Variants in NRXN3 observed in about 807,000 individuals in gnomAD.
NRXN3 encodes neurexin 3.
A neutral mutation model predicts 137.6 loss-of-function variants in NRXN3; 32 were observed. The ratio of observed to expected loss-of-function variants is 0.23; its 90% CI spans 0.18 to 0.31. NRXN3 has a LOEUF of 0.31. NRXN3 is among the 10% of genes least tolerant of loss of function. NRXN3 has a pLI of 1.00. For synonymous variants in NRXN3, 798 were observed against 784.5 expected (o/e 1.02, Z -0.29); for missense variants, 1,574 against 2,062.5 (o/e 0.76, Z 4.59).
At chr14:79,099,366 G>C (rs567551515) in intron 15 of NRXN3, among the ~76,000 whole-genome samples, 1 of 152,256 alleles carries the variant, frequency 6.6e-6, no homozygotes, top group South Asian at 2.1e-4. Context: ...TGTAGGCAGA[G>C]GGGTGTAGGG....
At chr14:79,140,040 T>A (rs1190966236) in intron 15 of NRXN3, among the ~76,000 whole-genome samples, 1 of 151,912 alleles carries the variant, frequency 6.6e-6, no homozygotes, top group Non-Finnish European at 1.5e-5. Flanking sequence ...ATTTTGTTCA[T>A]TTGGAACGCT....
intron 1 of NRXN3, among the ~76,000 whole-genome samples, chr14:78,236,106 G>A (rs1005807811): frequency 2.6e-5 from 4 of 152,160 alleles, no homozygotes; most frequent in African/African-American, 4.8e-5. Context: ...ATCAGGAAGT[G>A]CATTAAGTTG....
intron 20 of NRXN3, among the ~76,000 whole-genome samples, chr14:79,852,233 CAACACACACACACACA>C (rs921107429): frequency 1.0e-4 from 5 of 48,752 alleles, no homozygotes; most frequent in African/African-American, 2.9e-4. Flanking sequence ...GTTCAACTCC[CAACACACACACACACA>C]CACACACACA....
chr14:78,310,063 C>A (rs1232124162), intron 4 of NRXN3, among the ~76,000 whole-genome samples: 2 of 152,008 alleles, frequency 1.3e-5, no homozygotes, highest in Non-Finnish European at 2.9e-5. Flanking sequence ...AAACAGATAT[C>A]CATATAGTGA....
intron 15 of NRXN3, among the ~76,000 whole-genome samples, chr14:79,227,772 T>C (rs551755565): frequency 1.7e-5 from 2 of 120,098 alleles, no homozygotes; most frequent in African/African-American, 5.9e-5. Flanking sequence ...CTTCCTTCCT[T>C]CCTTCCTTCC....
intron 16 of NRXN3, among the ~76,000 whole-genome samples, chr14:79,635,869 G>C (rs1399372024): frequency 6.6e-6 from 1 of 152,106 alleles, no homozygotes; most frequent in Non-Finnish European, 1.5e-5. Flanking sequence ...GCAGGAGATA[G>C]AAGTGCAGAC....
chr14:78,448,499 G>GT (rs753870934), intron 4 of NRXN3, among the ~76,000 whole-genome samples: 34 of 152,284 alleles, frequency 2.2e-4, no homozygotes, highest in African/African-American at 7.5e-4. Context: ...GCTAAAACAC[G>GT]TTTTTTTCAC....
At chr14:78,209,372 C>A (rs79897450) in intron 1 of NRXN3, among the ~76,000 whole-genome samples, 3 of 152,068 alleles carry the variant, frequency 2.0e-5, no homozygotes, top group Non-Finnish European at 2.9e-5. Flanking sequence ...CTCTCAGGGC[C>A]GGTGCGATTA....
rs148403143 is a variant in NRXN3 at position 79,403,421 on chromosome 14, A to G, written c.3263-63800A>G. On this transcript the variant is annotated intron_variant, in intron 15 of 20. Transcript: ENST00000335750. Reference sequence around the variant, plus strand: ...GCTCAGTAGGGGGAAGGAAAAAGGAAGAGAGAAAGAGCAGGACCTCCAGTG... The same window carrying G: ...GCTCAGTAGGGGGAAGGAAAAAGGAGGAGAGAAAGAGCAGGACCTCCAGTG... Among the ~76,000 whole-genome samples the G allele has an allele frequency of 3.3e-5, 5 of 152,282 alleles. No individual in the cohort carries two copies. The East Asian group carries it at 9.7e-4, about 29-fold the overall frequency.
intron 1 of NRXN3, among the ~76,000 whole-genome samples, chr14:78,212,868 G>T (rs938718864): frequency 5.9e-5 from 9 of 152,084 alleles, no homozygotes; most frequent in African/African-American, 1.9e-4. Flanking sequence ...ATCTTACATA[G>T]AATCTCAATA....
chr14:78,907,674 T>C (rs1305279683), intron 10 of NRXN3, among the ~76,000 whole-genome samples: 2 of 152,180 alleles, frequency 1.3e-5, no homozygotes, highest in East Asian at 3.9e-4. Context: ...GGGGCATAAG[T>C]GTAAGTTTGT....
intron 15 of NRXN3, among the ~76,000 whole-genome samples, chr14:79,225,258 G>GA (rs1223648944): frequency 1.3e-5 from 2 of 152,034 alleles, no homozygotes; most frequent in Non-Finnish European, 2.9e-5. Flanking sequence ...GGTTCTGTTT[G>GA]AAAAAATCCC....
chr14:78,179,855 T>C (rs2059656351), intron 1 of NRXN3, among the ~76,000 whole-genome samples: 1 of 144,212 alleles, frequency 6.9e-6, no homozygotes, highest in East Asian at 2.0e-4. Context: ...TTTTTTTTTT[T>C]CTTGTTTTAG....
At chr14:78,949,600 TTTTA>T (rs1210378785) in intron 10 of NRXN3, among the ~76,000 whole-genome samples, 4 of 133,354 alleles carry the variant, frequency 3.0e-5, no homozygotes, top group African/African-American at 1.5e-4. Flanking sequence ...GAATTTTTTT[TTTTA>T]AAAAAAAACT....
At chr14:78,925,826 C>G (rs2099287743) in intron 10 of NRXN3, among the ~76,000 whole-genome samples, 1 of 152,152 alleles carries the variant, frequency 6.6e-6, no homozygotes, top group African/African-American at 2.4e-5. Context: ...CCTTTCCTAG[C>G]TGTGTGACCT....
At chr14:78,544,570 C>A (rs1158533127) in intron 4 of NRXN3, among the ~76,000 whole-genome samples, 1 of 152,182 alleles carries the variant, frequency 6.6e-6, no homozygotes, top group Non-Finnish European at 1.5e-5. Flanking sequence ...ATATAACTTA[C>A]ATGGTGGAAT....
chr14:79,060,675 G>T (rs1361067890), intron 15 of NRXN3, among the ~76,000 whole-genome samples: 1 of 152,104 alleles, frequency 6.6e-6, no homozygotes, highest in Non-Finnish European at 1.5e-5. Context: ...AATTTTGTGA[G>T]GGTAAGTTAT....
intron 10 of NRXN3, among the ~76,000 whole-genome samples, chr14:78,916,997 G>A (rs921950293): frequency 5.9e-5 from 9 of 152,080 alleles, no homozygotes; most frequent in African/African-American, 1.4e-4. Context: ...ACTAGGGTCC[G>A]CCCTCATGCC....
In NRXN3 at chr14:78,714,897, C is replaced by G; in HGVS notation, c.1802C>G (p.Ala601Gly). The G allele has an allele frequency of 6.2e-7, 1 of 1,614,122 alleles. No homozygotes were observed. The highest frequency in any genetic ancestry group is 8.5e-7 in the Non-Finnish European group (1 of 1,180,024). ...ATTCTCCCCACCGAGCTGTGGACTG[C>G]CATGCTCAACTATGGCTACGTGGGC... is the stretch of plus-strand genomic sequence containing the variant. ...GLILPTELWT[A>G]MLNYGYVGCI... The change falls in exon 8 of 21, where the codon GCC (alanine) becomes GGC (glycine). Residue 601 changes from alanine (A) to glycine (G), a missense_variant. Ala to Gly is a moderately conservative substitution (Grantham distance 60). Transcript: ENST00000335750.
Sources: allele counts gnomAD v4.1 joint callset (sites outside exome capture counted in the v4.1 genomes callset), GRCh38; gene constraint gnomAD v4.1.1; transcripts MANE v1.5; gene names NCBI Gene and HGNC (gene_info 2026-07-23, HGNC 2026-07-21).